Variants in NLRP5 observed in about 807,000 individuals in gnomAD.
NLRP5 encodes NACHT, LRR and PYD domains-containing protein 5.
Under a neutral mutation model 113.1 loss-of-function variants are expected in NLRP5, and 93 were observed. The ratio of observed to expected loss-of-function variants is 0.82; its 90% CI spans 0.70 to 0.98. The LOEUF is 0.98. Among genes scored for constraint, NLRP5 ranks in the 50% least tolerant of loss-of-function variants. The pLI is 0.00. For synonymous variants in NLRP5, 751 were observed against 600.7 expected, an observed-to-expected ratio of 1.25 and a Z score of -3.66; for missense variants, 1,808 against 1,514.3, an observed-to-expected ratio of 1.19 and a Z score of -3.22.
At chr19:56,025,582 T>TG (rs1982811523) in intron 6 of NLRP5, among the ~76,000 whole-genome samples, 1 of 150,998 alleles carries the variant, frequency 6.6e-6, no homozygotes, top group Non-Finnish European at 1.5e-5. Flanking sequence ...ACTTTTTTTT[T>TG]CGTATTTTTA....
At chr19:56,052,632 T>C (rs1983974434) in intron 12 of NLRP5, among the ~76,000 whole-genome samples, 1 of 152,122 alleles carries the variant, frequency 6.6e-6, no homozygotes. Flanking sequence ...TCCCCAGTGC[T>C]ATCATCCTAC....
intron 11 of NLRP5, among the ~76,000 whole-genome samples, chr19:56,045,532 G>C (rs1455182735): frequency 1.3e-5 from 2 of 151,928 alleles, no homozygotes; most frequent in African/African-American, 4.8e-5. Flanking sequence ...TTTAACATTA[G>C]ATATATCTCG....
intron 3 of NLRP5, among the ~76,000 whole-genome samples, chr19:56,013,669 G>C (rs950536167): frequency 1.0e-4 from 13 of 125,814 alleles, no homozygotes; most frequent in African/African-American, 3.4e-4. Context: ...TTGTGTAGAT[G>C]TGTTTTTGAT....
At chr19:55,998,203 TATA>T (rs1335310119), upstream of NLRP5, among the ~76,000 whole-genome samples, 2 of 151,858 alleles carry the variant, frequency 1.3e-5, no homozygotes, top group Admixed American at 6.6e-5. Flanking sequence ...ATTATAAAAA[TATA>T]AGAAACCAGG....
chr19:56,011,440 T>C (rs1250074690), intron 3 of NLRP5, among the ~76,000 whole-genome samples: 1 of 152,158 alleles, frequency 6.6e-6, no homozygotes, highest in Non-Finnish European at 1.5e-5. Context: ...GTGAATATTC[T>C]CAATCATGAT....
At chr19:56,013,504 T>C (rs894367670) in intron 3 of NLRP5, among the ~76,000 whole-genome samples, 1 of 151,898 alleles carries the variant, frequency 6.6e-6, no homozygotes, top group Non-Finnish European at 1.5e-5. Context: ...TATCATAGCC[T>C]GTCTCAGGAC....
At chr19:56,021,273 A>G (rs891005541) in intron 6 of NLRP5, among the ~76,000 whole-genome samples, 3 of 152,218 alleles carry the variant, frequency 2.0e-5, no homozygotes, top group East Asian at 3.9e-4. Flanking sequence ...TTAAACAGCC[A>G]AAGATGTAAG....
At chr19:56,025,917 G>A (rs900519552) in intron 6 of NLRP5, among the ~76,000 whole-genome samples, 1 of 152,040 alleles carries the variant, frequency 6.6e-6, no homozygotes, top group Non-Finnish European at 1.5e-5. Flanking sequence ...CCCACAGAGT[G>A]CCAGGCACTG....
At chr19:55,994,121 C>A in the NLRP5 span, among the ~76,000 whole-genome samples, 3 of 152,078 alleles carry the variant, frequency 2.0e-5, no homozygotes, top group African/African-American at 7.2e-5. Context: ...TGCATCCTTG[C>A]CAGCATTTAT....
intron 6 of NLRP5, among the ~76,000 whole-genome samples, chr19:56,025,402 C>CTCTCTCTCTCTCTCTCTCTCTCTG (rs1431790639): frequency 6.6e-6 from 1 of 151,646 alleles, no homozygotes; most frequent in African/African-American, 2.4e-5. Context: ...CTCTCTCTCT[C>CTCTCTCTCTCTCTCTCTCTCTCTG]TCTGTCTCTC....
At chr19:56,050,669 A>AGAC in intron 12 of NLRP5, 81 bp downstream of exon 12, 1 of 1,393,902 alleles carries the variant, frequency 7.2e-7, no homozygotes, top group East Asian at 2.4e-5. Flanking sequence ...AGGAGCAGGG[A>AGAC]GACCGGAACC....
At chr19:56,016,000 C>G (rs1406140370) in intron 4 of NLRP5, among the ~76,000 whole-genome samples, 1 of 152,140 alleles carries the variant, frequency 6.6e-6, no homozygotes, top group African/African-American at 2.4e-5. Context: ...ATTATTTTCA[C>G]TACAGTTTTT....
intron 12 of NLRP5, 24 bp from the exon 13 acceptor site, chr19:56,053,614 C>T (rs761556101): frequency 1.9e-6 from 3 of 1,602,100 alleles, no homozygotes; most frequent in African/African-American, 1.3e-5. Context: ...GAGGCAGACT[C>T]TCTCTATTCC....
intron 3 of NLRP5, among the ~76,000 whole-genome samples, chr19:56,010,089 C>T (rs1982122592): frequency 1.3e-5 from 2 of 152,146 alleles, no homozygotes; most frequent in South Asian, 4.1e-4. Flanking sequence ...CTGACAAAAG[C>T]CGGGGGTCTT....
At chr19:56,046,799 T>C (rs945918663) in intron 11 of NLRP5, among the ~76,000 whole-genome samples, 1 of 152,240 alleles carries the variant, frequency 6.6e-6, no homozygotes, top group African/African-American at 2.4e-5. Context: ...CCCAAAGTGC[T>C]GGGATCACAG....
At chr19:56,036,055 A>ATTGTTTTTTTTTTTTTTTTTTTT (rs1261118713) in intron 9 of NLRP5, among the ~76,000 whole-genome samples, 1 of 90,584 alleles carries the variant, frequency 1.1e-5, no homozygotes, top group African/African-American at 4.9e-5. Flanking sequence ...ATGAATTGAG[A>ATTGTTTTTTTTTTTTTTTTTTTT]TTCTTTTTTT....
At chr19:55,998,861 T>C (rs545533282), upstream of NLRP5, among the ~76,000 whole-genome samples, 1 of 151,612 alleles carries the variant, frequency 6.6e-6, no homozygotes, top group African/African-American at 2.4e-5. Context: ...TTTAGATATA[T>C]GTATACATGG....
rs1310833141 is a variant in NLRP5, at chr19:56,032,801, A to G, written c.2447+20A>G. On this transcript the variant is annotated intron_variant, in intron 8 of 14. Coordinates refer to ENST00000390649, the MANE Select transcript of NLRP5 (RefSeq NM_153447.4). ...CCTGATGTAAGGCTGCCCGCCCCCT[A>G]CGAGAGAATCCCTTCCCATGACGCT... 2 of 1,588,882 alleles carry G rather than the reference A, an allele frequency of 1.3e-6. No homozygotes were observed. Among genetic ancestry groups the G allele is most frequent in the Non-Finnish European group, 1.7e-6 (2 of 1,165,826 alleles).
intron 12 of NLRP5, among the ~76,000 whole-genome samples, chr19:56,051,279 G>A (rs1460750545): frequency 3.3e-5 from 5 of 152,108 alleles, no homozygotes; most frequent in South Asian, 2.1e-4. Context: ...TGCAACCTCC[G>A]CGTTCCAGGT....
Sources: gnomAD v4.1 joint callset for allele counts (sites outside exome capture counted in the v4.1 genomes callset) on GRCh38, gnomAD v4.1.1 for gene constraint, MANE v1.5 for transcripts, NCBI Gene and HGNC (gene_info 2026-07-23, HGNC 2026-07-21) for gene names.